Variants in RIOK2 observed in about 807,000 individuals in gnomAD.
The protein encoded by RIOK2 is serine/threonine-protein kinase RIO2.
RIOK2 carries 46 observed loss-of-function variants against 62.4 expected under a neutral mutation model. That is an observed-to-expected ratio of 0.74 (90% CI 0.58 to 0.94). RIOK2 has a LOEUF of 0.94. Ranked by LOEUF, RIOK2 falls within the 40% of genes least tolerant of loss-of-function variation. The probability of loss-of-function intolerance (pLI) is 0.00; values close to 1 mark genes in which losing one functional copy is unlikely to be tolerated. For synonymous variants in RIOK2, 197 were observed against 216.0 expected, an observed-to-expected ratio of 0.91 and a Z score of 0.77; for missense variants, 574 against 658.0, an observed-to-expected ratio of 0.87 and a Z score of 1.40.
At chr5:97,178,710 C>CTCTACCTGCTCTTCTGCAGTACT (rs34417698) in intron 2 of RIOK2, 1 of 255,198 alleles carries the variant, frequency 3.9e-6, no homozygotes, top group Non-Finnish European at 7.3e-6. Flanking sequence ...TTCTGCAGTA[C>CTCTACCTGCTCTTCTGCAGTACT]CTACGTGCTC....
In RIOK2 at chr5:97,162,054, A is replaced by C. The variant is rs1748714476; in HGVS notation, c.*1007T>G. The stretch of plus-strand genomic sequence containing the variant: ...TGAAAGGGAATCTGCTGTCTTTATC[A>C]ATCTTGGAAAAGTCTGTACTATATT... On this transcript the variant is annotated 3_prime_UTR_variant, in exon 10 of 10. Transcript: ENST00000283109. 1 of 152,164 alleles carries C rather than the reference A, an allele frequency of 6.6e-6. No individual in the cohort carries two copies. 9.4% of individuals were successfully genotyped at this position (152,164 alleles called of 1,614,324 possible). A position where few individuals can be genotyped will look rare whatever the true frequency, so the allele number is the denominator to read the frequency against.
In RIOK2 at chr5:97,183,245, G is replaced by C. The variant is rs755705224; in HGVS notation, c.-54C>G. On this transcript the variant is annotated 5_prime_UTR_variant, in exon 1 of 10. Coordinates refer to ENST00000283109, the MANE Select transcript of RIOK2 (RefSeq NM_018343.3). ...CTCCGACGACAGCCGCAAAGCGTAAGGCAGGTCGTTATTCCAGCCTCTAAG... is the reference window on the plus strand; with the variant it reads ...CTCCGACGACAGCCGCAAAGCGTAACGCAGGTCGTTATTCCAGCCTCTAAG... 2.5e-6 allele frequency: 4 copies of C among 1,589,654 alleles called. No homozygotes were observed. The highest frequency in any genetic ancestry group is 3.4e-6 in the Non-Finnish European group (4 of 1,163,532).
At chr5:97,178,695 T>G (rs1749248842) in intron 2 of RIOK2, 6 of 315,056 alleles carry the variant, frequency 1.9e-5, no homozygotes, top group South Asian at 1.7e-4. Flanking sequence ...GTACTCTACC[T>G]GCTCTTCTGC....
intron 6 of RIOK2, among the ~76,000 whole-genome samples, chr5:97,170,740 ATAACGT>A (rs1386088041): frequency 1.3e-4 from 20 of 152,256 alleles, no homozygotes; most frequent in Admixed American, 1.2e-3. Flanking sequence ...CCAAATTTTT[ATAACGT>A]TAACACTAGC....
At chr5:97,178,960 T>C (rs1749257905) in intron 2 of RIOK2, 95 bp downstream of exon 2, 3 of 1,401,588 alleles carry the variant, frequency 2.1e-6, no homozygotes, top group Admixed American at 1.8e-5. Flanking sequence ...AATGCTTTAC[T>C]AGTCTGGCAA....
intron 1 of RIOK2, among the ~76,000 whole-genome samples, chr5:97,182,268 A>G (rs1749434238): frequency 6.6e-6 from 1 of 152,216 alleles, no homozygotes; most frequent in South Asian, 2.1e-4. Context: ...TCTGTAGTAC[A>G]TAATTTCTCA....
Position 97,177,224 on chromosome 5 carries a change from G to C in RIOK2, c.390C>G (p.Thr130=). The C allele has an allele frequency of 1.9e-6, 3 of 1,613,586 alleles. No individual in the cohort carries two copies. In the African/African-American group the frequency reaches 4.0e-5, roughly 22 times the overall value. The change falls in exon 4 of 10, where the codon ACC becomes ACG. Residue 130 remains threonine (T), a synonymous_variant. Coordinates refer to ENST00000283109, the MANE Select transcript of RIOK2 (RefSeq NM_018343.3). ...FALKLHRLGR[T]SFRNLKNKRD... is the part of the protein sequence containing the mutation. ...GTTTGTTTTTCAAATTTCGAAACGAGGTTCTTCCTAGTCTGTGAAGCTTTA... is the reference window on the plus strand; with the variant it reads ...GTTTGTTTTTCAAATTTCGAAACGACGTTCTTCCTAGTCTGTGAAGCTTTA...
intron 1 of RIOK2, among the ~76,000 whole-genome samples, chr5:97,180,027 A>ATATATATATTAT (rs1328576768): frequency 9.5e-5 from 6 of 63,446 alleles, no homozygotes; most frequent in Admixed American, 2.4e-4. Flanking sequence ...ATATATATAT[A>ATATATATATTAT]ATATATATAT....
At position 97,171,312 on chromosome 5, in the gene RIOK2, T is replaced by A; in HGVS notation, c.673A>T (p.Ile225Phe). ...TTAAATTCATTAAAATCTCCATGAA[T>A]CAGCCCATGATTTGCAAGTTTGACA... ...LIVKLANHGLIHGDFNEFNLI... is the reference protein window; with the variant it reads ...LIVKLANHGLFHGDFNEFNLI... The change falls in exon 6 of 10, where the codon ATT becomes TTT. Residue 225 changes from isoleucine to phenylalanine, a missense_variant. Ile to Phe is a conservative substitution (Grantham distance 21, BLOSUM62 0). Coordinates refer to ENST00000283109, the MANE Select transcript of RIOK2 (RefSeq NM_018343.3). 6.2e-7 allele frequency: 1 copy of A among 1,609,922 alleles called. No individual in the cohort carries two copies. Among genetic ancestry groups the A allele is most frequent in the Non-Finnish European group, 8.5e-7 (1 of 1,178,132 alleles).
rs1013675769 is a variant in RIOK2 at position 97,166,437 on chromosome 5, G to A, written c.1397+1030C>T. The stretch of plus-strand genomic sequence containing the variant: ...GAATAAAACTTTAAAGATAAAGGTA[G>A]GCTTAAGATATAAGCCCAAACATGT... On this transcript the variant is annotated intron_variant, in intron 8 of 9. Transcript: ENST00000283109. The A allele has an allele frequency of 8.6e-5, 31 of 361,600 alleles. No individual in the cohort carries two copies. The East Asian group carries it at 1.4e-3, about 16-fold the overall frequency. The allele number at this position is 361,600 out of a possible 1,614,324, so 22.4% of individuals were successfully genotyped here.
Position 97,177,127 on chromosome 5 carries a change from C to G in RIOK2, c.487G>C (p.Ala163Pro). Residue 163 changes from alanine (A) to proline (P), a missense_variant, in exon 4 of 10, where the codon GCC becomes CCC. Coordinates refer to ENST00000283109, the MANE Select transcript of RIOK2 (RefSeq NM_018343.3). The stretch of plus-strand genomic sequence containing the variant: ...AATAAAATAAATACCTTCATATAGG[C>G]AAATTCCTTCATGGCAGAGAGACGA... Reference protein sequence around the residue: ...LSRLSAMKEFAYMKALYERKF... With the variant: ...LSRLSAMKEFPYMKALYERKF... The G allele has an allele frequency of 6.2e-7, 1 of 1,610,472 alleles. No homozygotes were observed. The highest frequency in any genetic ancestry group is 1.1e-5 in the South Asian group (1 of 90,808).
intron 1 of RIOK2, 93 bp downstream of exon 1, chr5:97,183,033 G>T: frequency 7.6e-7 from 1 of 1,317,860 alleles, no homozygotes; most frequent in Non-Finnish European, 1.1e-6. Flanking sequence ...GGGTCCCAGA[G>T]TGTGCCTGCT....
chr5:97,178,569 GTGCTCTTCTGTACTCTACA>G (rs1299269573), intron 2 of RIOK2, among the ~76,000 whole-genome samples: 2 of 143,006 alleles, frequency 1.4e-5, no homozygotes, highest in African/African-American at 2.7e-5. Context: ...CAGTACCTAC[GTGCTCTTCTGTACTCTACA>G]TGCTCTTCTG....
rs764119541 is a variant in RIOK2 at position 97,171,234 on chromosome 5, C to A, written c.751G>T (p.Val251Phe). Residue 251 changes from valine to phenylalanine, a missense_variant, in exon 6 of 10, where the codon GTT becomes TTT. Transcript: ENST00000283109. ...TCAGCATTGGGATGAGAAGTTGAAACCATCTGTGGAAAATCAATCATGGTG... is the reference window on the plus strand; with the variant it reads ...TCAGCATTGGGATGAGAAGTTGAAAACATCTGTGGAAAATCAATCATGGTG... Reference protein sequence around the residue: ...HITMIDFPQMVSTSHPNAEWY... With the variant: ...HITMIDFPQMFSTSHPNAEWY... The A allele has an allele frequency of 1.3e-6, 2 of 1,579,126 alleles. No homozygotes were observed. Among genetic ancestry groups the A allele is most frequent in the Non-Finnish European group, 1.7e-6 (2 of 1,162,128 alleles).
Position 97,179,000 on chromosome 5 carries a change from C to T in RIOK2, c.205+55G>A, listed in dbSNP as rs1396257503. ...TACTTCTTGACTTTTGGAACACTTG[C>T]TCTGGTGGAAACCAATTACCTGAAA... On this transcript the variant is annotated intron_variant, in intron 2 of 9. Transcript: ENST00000283109. 7 of 1,605,664 alleles carry T rather than the reference C, an allele frequency of 4.4e-6. No homozygotes were observed. In the Admixed American group the frequency reaches 1.2e-4, roughly 27 times the overall value.
At chr5:97,176,234 A>G (rs1291354650) in intron 4 of RIOK2, 1 of 152,222 alleles carries the variant, frequency 6.6e-6, no homozygotes, top group African/African-American at 2.4e-5. Context: ...TTTGTTTACT[A>G]TAGTCACCCT....
chr5:97,183,165 C>T lies in RIOK2; in HGVS notation c.27G>A (p.Leu9=), dbSNP rs771007433. MGKVNVAK[L]RYMSRDDFRV... is the part of the protein sequence containing the mutation. ...TGAAGTCATCTCGGCTCATGTAACG[C>T]AACTTGGCCACATTCACTTTCCCCA... The change falls in exon 1 of 10, where the codon TTG becomes TTA. Residue 9 remains leucine (L), a synonymous_variant. Transcript: ENST00000283109. 6.2e-7 allele frequency: 1 copy of T among 1,614,142 alleles called. No individual in the cohort carries two copies. The highest frequency in any genetic ancestry group is 1.7e-5 in the Admixed American group (1 of 60,026).
rs1042868471 is a variant in RIOK2, at chr5:97,171,300, A to C, written c.685T>G (p.Phe229Val). ...TCCAAAATGAGATTAAATTCATTAA[A>C]ATCTCCATGAATCAGCCCATGATTT... Reference protein sequence around the residue: ...LANHGLIHGDFNEFNLILDES... With the variant: ...LANHGLIHGDVNEFNLILDES... Residue 229 changes from phenylalanine to valine, a missense_variant, in exon 6 of 10, where the codon TTT becomes GTT. Coordinates refer to ENST00000283109, the MANE Select transcript of RIOK2 (RefSeq NM_018343.3). 1 of 1,609,428 alleles carries C rather than the reference A, an allele frequency of 6.2e-7. No homozygotes were observed. Among genetic ancestry groups the C allele is most frequent in the African/African-American group, 1.3e-5 (1 of 74,880 alleles).
intron 1 of RIOK2, among the ~76,000 whole-genome samples, chr5:97,180,152 A>ATATATATGTATATATATGTATATGTATG (rs1749362379): frequency 1.5e-5 from 2 of 130,900 alleles, no homozygotes; most frequent in African/African-American, 5.7e-5. Flanking sequence ...GTATATATAT[A>ATATATATGTATATATATGTATATGTATG]TATATATATG....
Sources: allele counts gnomAD v4.1 joint callset (sites outside exome capture counted in the v4.1 genomes callset), GRCh38; gene constraint gnomAD v4.1.1; transcripts MANE v1.5; gene names NCBI Gene and HGNC (gene_info 2026-07-23, HGNC 2026-07-21).